EML6: variants seen among roughly 807,000 people sequenced by gnomAD.
EML6 encodes the protein EMAP like 6, also known as echinoderm microtubule-associated protein-like 6.
Under a neutral mutation model 240.1 loss-of-function variants are expected in EML6, and 154 were observed. The ratio of observed to expected loss-of-function variants is 0.64; its 90% confidence interval spans 0.56 to 0.73. EML6 has a LOEUF of 0.73. EML6 is among the 30% of genes least tolerant of loss of function. The pLI is 0.00. For missense variants in EML6, 2,964 were observed against 2,474.6 expected (o/e 1.20, Z -4.20); for synonymous variants, 1,148 against 899.0 (o/e 1.28, Z -4.95).
At chr2:54,921,807 C>T (rs1047600853) in intron 26 of EML6, among the ~76,000 whole-genome samples, 4 of 151,946 alleles carry the variant, frequency 2.6e-5, no homozygotes, top group Non-Finnish European at 4.4e-5. Context: ...GACAAGGATA[C>T]CAAAAATATA....
intron 2 of EML6, among the ~76,000 whole-genome samples, chr2:54,786,521 A>G (rs187669178): frequency 3.9e-5 from 6 of 152,038 alleles, no homozygotes; most frequent in Non-Finnish European, 7.4e-5. Context: ...TACCTACCCC[A>G]CCAGTGGGTT....
intron 8 of EML6, among the ~76,000 whole-genome samples, chr2:54,847,223 TG>T (rs567552482): frequency 9.0e-4 from 137 of 152,290 alleles, no homozygotes; most frequent in African/African-American, 2.8e-3. Context: ...ATTTTTTTTT[TG>T]TTCTGTGAAT....
chr2:54,875,358 G>A (rs959989936), intron 16 of EML6, among the ~76,000 whole-genome samples: 11 of 152,280 alleles, frequency 7.2e-5, no homozygotes, highest in Non-Finnish European at 1.3e-4. Flanking sequence ...CTTGTTTAAC[G>A]GTGTAAACAG....
intron 16 of EML6, among the ~76,000 whole-genome samples, chr2:54,875,851 A>G (rs953626861): frequency 6.6e-6 from 1 of 152,206 alleles, no homozygotes; most frequent in Non-Finnish European, 1.5e-5. Context: ...TCAACCACAG[A>G]AGTATTTTCT....
intron 2 of EML6, among the ~76,000 whole-genome samples, chr2:54,807,319 C>T (rs1216961982): frequency 6.6e-6 from 1 of 152,190 alleles, no homozygotes; most frequent in Non-Finnish European, 1.5e-5. Flanking sequence ...TATCAGCCAA[C>T]ATTTGTGTTG....
At chr2:54,779,262 G>C (rs1025313178) in intron 2 of EML6, among the ~76,000 whole-genome samples, 11 of 152,092 alleles carry the variant, frequency 7.2e-5, no homozygotes, top group Non-Finnish European at 1.5e-4. Flanking sequence ...GGAGGGGCTG[G>C]GTGCAGTGGC....
chr2:54,882,394 C>T (rs1481838247), intron 17 of EML6: 1 of 151,072 alleles, frequency 6.6e-6, no homozygotes, highest in African/African-American at 2.4e-5. Flanking sequence ...CACTGTCAAT[C>T]AGGGCAGAAT....
intron 25 of EML6, among the ~76,000 whole-genome samples, chr2:54,915,694 G>A (rs891115650): frequency 6.6e-6 from 1 of 152,088 alleles, no homozygotes; most frequent in African/African-American, 2.4e-5. Flanking sequence ...ACTCCTGGCT[G>A]CATCTTTATC....
intron 7 of EML6, among the ~76,000 whole-genome samples, chr2:54,836,160 G>C (rs1669130532): frequency 6.6e-6 from 1 of 152,158 alleles, no homozygotes; most frequent in Non-Finnish European, 1.5e-5. Context: ...AGGAGATGTG[G>C]TGTCACTGTG....
rs747661567 is a variant in EML6, at chr2:54,850,181, T to A, written c.1407T>A (p.Asn469Lys). ...TGGATAGTAAATACTTACAAACTAA[T>A]GACGGTGCAGGAGAACGATTGTTCT... ...WSLDSKYLQTNDGAGERLFYR... is the reference protein window; with the variant it reads ...WSLDSKYLQTKDGAGERLFYR... Residue 469 changes from asparagine (N) to lysine (K), a missense_variant, in exon 10 of 42, where the codon AAT (asparagine) becomes AAA (lysine). Asn to Lys is a moderately conservative substitution (Grantham distance 94). Transcript: ENST00000356458. The A allele has an allele frequency of 3.2e-6, 5 of 1,551,744 alleles. No individual in the cohort carries two copies.
At chr2:54,957,177 C>G (rs914714459) in intron 32 of EML6, among the ~76,000 whole-genome samples, 2 of 151,934 alleles carry the variant, frequency 1.3e-5, no homozygotes, top group African/African-American at 4.8e-5. Context: ...TAAAGTTGTT[C>G]TACAAGTAAA....
chr2:54,827,670 C>A lies in EML6; in HGVS notation c.630C>A (p.Ile210=), dbSNP rs1364667476. ...GCCTTGCATGTGCCAAAGAAGACAT[C>A]ACCTACTCTGGTGCTTTAAATGGTG... The part of the protein sequence containing the change: ...ILCLACAKED[I]TYSGALNGDI... The change falls in exon 6 of 42, where the codon ATC becomes ATA. Residue 210 remains isoleucine (I), a synonymous_variant. Coordinates refer to ENST00000356458, the MANE Select transcript of EML6 (RefSeq NM_001039753.4). The A allele has an allele frequency of 1.9e-6, 3 of 1,551,598 alleles. No homozygotes were observed. Among genetic ancestry groups the A allele is most frequent in the South Asian group, 2.4e-5 (2 of 84,058 alleles).
intron 28 of EML6, among the ~76,000 whole-genome samples, chr2:54,931,053 G>A (rs889347184): frequency 2.6e-5 from 4 of 151,428 alleles, no homozygotes; most frequent in African/African-American, 9.7e-5. Context: ...CGCCTCCCGG[G>A]TTCACGCCAT....
chr2:54,847,691 A>G lies in EML6; in HGVS notation c.1187+68A>G, dbSNP rs550051939. The G allele has an allele frequency of 3.3e-6, 5 of 1,508,712 alleles. No homozygotes were observed. In the South Asian group the frequency reaches 3.6e-5, roughly 11 times the overall value. 93.5% of individuals were successfully genotyped at this position (1,508,712 alleles called of 1,614,324 possible). ...GTTAAATGTTACAATTTTCCTGGTC[A>G]TAATACATGCTAGGACCTTAGGAAA... On this transcript the variant is annotated intron_variant, in intron 9 of 41. Coordinates refer to ENST00000356458, the MANE Select transcript of EML6 (RefSeq NM_001039753.4).
chr2:54,772,062 C>T (rs1409570360), intron 2 of EML6, among the ~76,000 whole-genome samples: 1 of 152,176 alleles, frequency 6.6e-6, no homozygotes, highest in African/African-American at 2.4e-5. Context: ...AACACAGCTG[C>T]CTTCAGGATT....
rs907776287 is a variant in EML6, at chr2:54,819,732, G to A, written c.457-662G>A. Among the ~76,000 whole-genome samples the A allele has an allele frequency of 6.5e-4, 56 of 86,626 alleles. 1 individual carries two copies. The highest frequency in any genetic ancestry group is 1.7e-3 in the African/African-American group (52 of 30,774). 56.8% of individuals were successfully genotyped at this position (86,626 alleles called of 152,430 possible). A position where few individuals can be genotyped will look rare whatever the true frequency, so the allele number is the denominator to read the frequency against. On this transcript the variant is annotated intron_variant, in intron 4 of 41. Coordinates refer to ENST00000356458, the MANE Select transcript of EML6 (RefSeq NM_001039753.4). ...CGGAGTTGCAGTGAGCCGAGATCAC[G>A]CCACTGCACTCCAGCCTGGTGACGG...
chr2:54,872,867 C>T (rs1381093800), intron 16 of EML6, among the ~76,000 whole-genome samples: 1 of 152,092 alleles, frequency 6.6e-6, no homozygotes, highest in African/African-American at 2.4e-5. Context: ...TTTTGTGCAT[C>T]CCTTAGCCCT....
At chr2:54,822,714 A>G (rs1248628635) in intron 5 of EML6, among the ~76,000 whole-genome samples, 2 of 152,198 alleles carry the variant, frequency 1.3e-5, no homozygotes, top group Non-Finnish European at 2.9e-5. Context: ...TGGGAAATAC[A>G]TTAGAAGGAC....
chr2:54,932,011 TTAAAA>T (rs1674889879), intron 28 of EML6, among the ~76,000 whole-genome samples: 1 of 152,244 alleles, frequency 6.6e-6, no homozygotes, highest in African/African-American at 2.4e-5. Flanking sequence ...TTATTTGACT[TTAAAA>T]TAGCTGTGAG....
Sources: gnomAD v4.1 joint callset for allele counts (sites outside exome capture counted in the v4.1 genomes callset) on GRCh38, gnomAD v4.1.1 for gene constraint, MANE v1.5 for transcripts, NCBI Gene and HGNC (gene_info 2026-07-23, HGNC 2026-07-21) for gene names.